The following HPSE2 variants were observed in gnomAD, a reference collection of about 807,000 sequenced individuals.
HPSE2 encodes heparanase 2 (inactive).
A neutral mutation model predicts 60.5 loss-of-function variants in HPSE2; 38 were observed. The ratio of observed to expected loss-of-function variants is 0.63; its 90% CI spans 0.48 to 0.82. The LOEUF (loss-of-function observed/expected upper bound fraction) is 0.82, where lower values mean the gene tolerates loss of function less well. Among genes scored for constraint, HPSE2 ranks in the 40% least tolerant of loss-of-function variants. The pLI is 0.00. For missense variants in HPSE2, 713 were observed against 740.4 expected (o/e 0.96, Z 0.43); for synonymous variants, 295 against 293.2 (o/e 1.01, Z -0.06).
intron 2 of HPSE2, among the ~76,000 whole-genome samples, chr10:99,147,840 T>C (rs989799538): frequency 5.3e-5 from 8 of 152,186 alleles, no homozygotes; most frequent in Admixed American, 3.9e-4. Flanking sequence ...TAGTATCATG[T>C]ATGACACACT....
intron 6 of HPSE2, among the ~76,000 whole-genome samples, chr10:98,669,824 C>A (rs1397270323): frequency 6.6e-6 from 1 of 152,132 alleles, no homozygotes; most frequent in Non-Finnish European, 1.5e-5. Flanking sequence ...CCCCAAACTT[C>A]ACCATCACAT....
intron 3 of HPSE2, among the ~76,000 whole-genome samples, chr10:98,972,701 C>T (rs575159623): frequency 6.6e-6 from 1 of 152,254 alleles, no homozygotes; most frequent in East Asian, 1.9e-4. Context: ...CCTGTCTTCT[C>T]TTACTTAGCT....
intron 3 of HPSE2, among the ~76,000 whole-genome samples, chr10:99,085,589 A>T (rs1039281996): frequency 1.3e-5 from 2 of 152,142 alleles, no homozygotes; most frequent in Non-Finnish European, 2.9e-5. Flanking sequence ...AACCTTCCTG[A>T]GTGGGTAAGG....
At chr10:99,084,834 CCT>C (rs768492338) in intron 3 of HPSE2, among the ~76,000 whole-genome samples, 15 of 152,124 alleles carry the variant, frequency 9.9e-5, no homozygotes, top group African/African-American at 3.4e-4. Context: ...CCAACTTGCC[CCT>C]GTTACCACTG....
intron 3 of HPSE2, among the ~76,000 whole-genome samples, chr10:98,773,220 T>G (rs1426259176): frequency 6.6e-6 from 1 of 152,174 alleles, no homozygotes; most frequent in African/African-American, 2.4e-5. Context: ...CATTATATCC[T>G]TATATTCTCC....
At chr10:98,735,537 C>G (rs908121955) in intron 4 of HPSE2, among the ~76,000 whole-genome samples, 1 of 151,734 alleles carries the variant, frequency 6.6e-6, no homozygotes, top group Admixed American at 6.6e-5. Flanking sequence ...CCCTTTAGAC[C>G]TCAGAAAAGC....
intron 3 of HPSE2, among the ~76,000 whole-genome samples, chr10:99,119,079 GAGAAAGAA>G: frequency 8.8e-6 from 1 of 113,520 alleles, no homozygotes; most frequent in African/African-American, 3.0e-5. Flanking sequence ...AAGAAAGAAA[GAGAAAGAA>G]AGAGAGAGAG....
chr10:98,601,903 A>C (rs977713920), intron 9 of HPSE2, among the ~76,000 whole-genome samples: 4 of 152,246 alleles, frequency 2.6e-5, no homozygotes, highest in African/African-American at 9.6e-5. Context: ...GGCTTGAAGC[A>C]GCAAAGGCAA....
At chr10:98,878,665 T>C (rs1018411179) in intron 3 of HPSE2, among the ~76,000 whole-genome samples, 6 of 152,066 alleles carry the variant, frequency 3.9e-5, no homozygotes, top group Admixed American at 3.9e-4. Context: ...GATCAGAGCA[T>C]GCAACAGGTT....
At position 98,856,384 on chromosome 10, in the gene HPSE2, C is replaced by T. The variant is rs1402802155; in HGVS notation, c.611-112328G>A. 2.6e-5 allele frequency among the ~76,000 whole-genome samples: 4 copies of T among 152,014 alleles called. No individual in the cohort carries two copies. The East Asian group carries it at 7.7e-4, about 29-fold the overall frequency. Reference sequence around the variant, plus strand: ...AAGCGGATTCAGAAAGCTTATAGAACATTAAACCAGATTAAAACAAACAAG... The same window carrying T: ...AAGCGGATTCAGAAAGCTTATAGAATATTAAACCAGATTAAAACAAACAAG... On this transcript the variant is annotated intron_variant, in intron 3 of 11. Transcript: ENST00000370552.
chr10:99,021,403 T>G (rs989670865), intron 3 of HPSE2, among the ~76,000 whole-genome samples: 1 of 152,146 alleles, frequency 6.6e-6, no homozygotes, highest in East Asian at 1.9e-4. Context: ...AGGTTACTCA[T>G]CTTATAAAAG....
At chr10:98,852,678 A>C (rs1196294368) in intron 3 of HPSE2, among the ~76,000 whole-genome samples, 1 of 152,200 alleles carries the variant, frequency 6.6e-6, no homozygotes, top group African/African-American at 2.4e-5. Flanking sequence ...TCCCTGCTTC[A>C]ATCACGCCTA....
At chr10:99,311,144 T>C in the HPSE2 span, among the ~76,000 whole-genome samples, 59 of 152,288 alleles carry the variant, frequency 3.9e-4, no homozygotes, top group African/African-American at 1.3e-3. Flanking sequence ...TTTGAGTATT[T>C]AAAAAATAAA....
intron 3 of HPSE2, among the ~76,000 whole-genome samples, chr10:99,106,947 T>A (rs1844271932): frequency 6.6e-6 from 1 of 152,190 alleles, no homozygotes; most frequent in African/African-American, 2.4e-5. Flanking sequence ...TTCAGCTCGC[T>A]GCAACCTCTG....
At chr10:99,198,780 T>C (rs1848483216) in intron 2 of HPSE2, among the ~76,000 whole-genome samples, 1 of 152,216 alleles carries the variant, frequency 6.6e-6, no homozygotes, top group Admixed American at 6.5e-5. Context: ...ACAGCTGATC[T>C]TAATGAATTA....
At chr10:99,073,174 G>A (rs544275846) in intron 3 of HPSE2, among the ~76,000 whole-genome samples, 7 of 152,170 alleles carry the variant, frequency 4.6e-5, no homozygotes, top group African/African-American at 7.2e-5. Context: ...ATGAAGGCAC[G>A]TGTATGTTCA....
At chr10:99,165,673 A>G (rs1847050632) in intron 2 of HPSE2, among the ~76,000 whole-genome samples, 1 of 151,838 alleles carries the variant, frequency 6.6e-6, no homozygotes, top group Non-Finnish European at 1.5e-5. Context: ...CAGCTTCCTG[A>G]GTAGCTGGGA....
At chr10:98,775,797 A>G (rs780045673) in intron 3 of HPSE2, among the ~76,000 whole-genome samples, 1 of 152,132 alleles carries the variant, frequency 6.6e-6, no homozygotes, top group Non-Finnish European at 1.5e-5. Context: ...TTCTATCTGA[A>G]CAACTCACAG....
chr10:98,827,662 A>G (rs1951583599), intron 3 of HPSE2, among the ~76,000 whole-genome samples: 1 of 152,224 alleles, frequency 6.6e-6, no homozygotes, highest in Non-Finnish European at 1.5e-5. Context: ...AGGTAGTCAA[A>G]AGACTGGAGA....
Sources: allele counts gnomAD v4.1 joint callset (sites outside exome capture counted in the v4.1 genomes callset), GRCh38; gene constraint gnomAD v4.1.1; transcripts MANE v1.5; gene names NCBI Gene and HGNC (gene_info 2026-07-23, HGNC 2026-07-21).